Variants in SLC22A23 observed in about 807,000 individuals in gnomAD.
SLC22A23 encodes ion transporter protein.
In SLC22A23, 26 loss-of-function variants were observed where a neutral mutation model predicts 61.0. The ratio of observed to expected loss-of-function variants is 0.43; its 90% CI spans 0.31 to 0.59. SLC22A23 has a LOEUF of 0.59. SLC22A23 is among the 20% of genes least tolerant of loss of function. The pLI is 0.11. For synonymous variants in SLC22A23, 430 were observed against 413.9 expected (o/e 1.04, Z -0.47); for missense variants, 796 against 934.7 (o/e 0.85, Z 1.94).
intron 4 of SLC22A23, among the ~76,000 whole-genome samples, chr6:3,315,250 C>T (rs1203635255): frequency 1.3e-5 from 2 of 152,084 alleles, no homozygotes; most frequent in African/African-American, 4.8e-5. Context: ...CAGCAAGATG[C>T]CCCATCTGTG....
At chr6:3,441,077 C>T (rs554128695) in intron 1 of SLC22A23, among the ~76,000 whole-genome samples, 6 of 152,306 alleles carry the variant, frequency 3.9e-5, no homozygotes, top group African/African-American at 1.2e-4. Flanking sequence ...AGAGAAGGTG[C>T]TTGGCAGGAG....
At chr6:3,448,856 G>A (rs1045737810) in intron 1 of SLC22A23, among the ~76,000 whole-genome samples, 12 of 152,352 alleles carry the variant, frequency 7.9e-5, no homozygotes, top group Admixed American at 7.8e-4. Context: ...AAAGGCCAAA[G>A]TAAAGGCACC....
intron 4 of SLC22A23, among the ~76,000 whole-genome samples, chr6:3,319,787 G>A (rs890717154): frequency 5.3e-5 from 8 of 152,182 alleles, no homozygotes; most frequent in Admixed American, 5.2e-4. Context: ...CTCTGTGGGA[G>A]GCCGTGTTTT....
chr6:3,409,623 A>G (rs925252009), intron 3 of SLC22A23, among the ~76,000 whole-genome samples: 1 of 152,216 alleles, frequency 6.6e-6, no homozygotes. Context: ...ACCACCTACA[A>G]ATAAGTGAAA....
chr6:3,347,292 C>T (rs567823802), intron 3 of SLC22A23, among the ~76,000 whole-genome samples: 16 of 152,254 alleles, frequency 1.1e-4, no homozygotes, highest in South Asian at 2.1e-4. Flanking sequence ...TGGACCCTAG[C>T]GTTCTTGTGG....
intron 3 of SLC22A23, among the ~76,000 whole-genome samples, chr6:3,336,612 AC>A (rs1454078409): frequency 6.6e-6 from 1 of 152,152 alleles, no homozygotes; most frequent in Non-Finnish European, 1.5e-5. Flanking sequence ...GAAAAGGAAA[AC>A]CACTCTGTCA....
chr6:3,386,601 C>A lies in SLC22A23; in HGVS notation c.913+23587G>T, dbSNP rs770617632. Among the ~76,000 whole-genome samples the A allele has an allele frequency of 5.3e-5, 8 of 152,352 alleles. No homozygotes were observed. Among genetic ancestry groups the A allele is most frequent in the Middle Eastern group, 3.4e-3 (1 of 294 alleles). ...GGCTGCTTGCTCCTCAGTAGCCGTG[C>A]CAAGCGTGGCTGGGGACAGCCCGAG... On this transcript the variant is annotated intron_variant, in intron 3 of 9. Coordinates refer to ENST00000406686, the MANE Select transcript of SLC22A23 (RefSeq NM_015482.2). The surrounding 1 kb of genome is among the most constrained non-coding windows in gnomAD (Gnocchi z 4.4).
chr6:3,325,343 C>T (rs1763216751), intron 3 of SLC22A23, among the ~76,000 whole-genome samples: 1 of 152,088 alleles, frequency 6.6e-6, no homozygotes, highest in African/African-American at 2.4e-5. Flanking sequence ...ATTACCAGCC[C>T]TAACAAGGAG....
intron 1 of SLC22A23, among the ~76,000 whole-genome samples, chr6:3,453,766 C>G (rs1018669287): frequency 6.6e-6 from 1 of 152,236 alleles, no homozygotes; most frequent in Admixed American, 6.5e-5. Flanking sequence ...CAAAAGGCAG[C>G]TTCTCAAACC....
intron 8 of SLC22A23, 155 bp downstream of exon 8, chr6:3,284,924 A>G (rs753800138): frequency 4.5e-6 from 7 of 1,542,112 alleles, no homozygotes; most frequent in Non-Finnish European, 5.2e-6. Flanking sequence ...ATGTATCCGT[A>G]TAGTGTCCAA....
intron 1 of SLC22A23, among the ~76,000 whole-genome samples, chr6:3,416,784 G>A (rs1226420289): frequency 1.3e-5 from 2 of 152,202 alleles, no homozygotes; most frequent in Admixed American, 6.5e-5. Context: ...GTCTGGACGC[G>A]CAACTCCAGG....
At chr6:3,301,109 T>A (rs1160620888) in intron 4 of SLC22A23, among the ~76,000 whole-genome samples, 3 of 152,218 alleles carry the variant, frequency 2.0e-5, no homozygotes, top group Non-Finnish European at 2.9e-5. Flanking sequence ...ATTATATATA[T>A]TCACATTTTG....
At chr6:3,336,900 G>C (rs965025711) in intron 3 of SLC22A23, among the ~76,000 whole-genome samples, 3 of 150,498 alleles carry the variant, frequency 2.0e-5, no homozygotes, top group Non-Finnish European at 4.4e-5. Flanking sequence ...GGGCTCCAGT[G>C]GTCCTCCCAC....
At position 3,414,410 on chromosome 6, in the gene SLC22A23, G is replaced by A. The variant is rs1202790523; in HGVS notation, c.758+1342C>T. Among the ~76,000 whole-genome samples, 4 of 152,110 alleles carry A rather than the reference G, an allele frequency of 2.6e-5. No individual in the cohort carries two copies. Among genetic ancestry groups the A allele is most frequent in the Non-Finnish European group, 5.9e-5 (4 of 68,020 alleles). ...AGGTCCCCTGCGTAGGTCTCCAGAG[G>A]TCACTGACTGCTTCTCTGTTGCTGT... On this transcript the variant is annotated intron_variant, in intron 2 of 9. Transcript: ENST00000406686. This position sits in a 1 kb window ranked among gnomAD's most constrained non-coding sequence, Gnocchi z 5.1.
At chr6:3,382,206 C>T (rs1326475030) in intron 3 of SLC22A23, among the ~76,000 whole-genome samples, 1 of 152,184 alleles carries the variant, frequency 6.6e-6, no homozygotes, top group Non-Finnish European at 1.5e-5. Context: ...GTATGCACAG[C>T]CAGCCAGGCT....
chr6:3,285,267 G>A (rs1759881308), intron 7 of SLC22A23, among the ~76,000 whole-genome samples, 156 bp from the exon 8 acceptor site: 1 of 152,252 alleles, frequency 6.6e-6, no homozygotes, highest in African/African-American at 2.4e-5. Flanking sequence ...CTGGCCGCCG[G>A]GGCAGTGGAA....
chr6:3,320,482 T>A (rs1272927095), intron 4 of SLC22A23, among the ~76,000 whole-genome samples: 1 of 152,184 alleles, frequency 6.6e-6, no homozygotes, highest in Non-Finnish European at 1.5e-5. Flanking sequence ...AAGCACCAAG[T>A]ACGCTGCTGG....
intron 1 of SLC22A23, among the ~76,000 whole-genome samples, chr6:3,428,476 T>C (rs1025395297): frequency 6.6e-6 from 1 of 152,178 alleles, no homozygotes; most frequent in Non-Finnish European, 1.5e-5. Context: ...TCGGGCTTCA[T>C]GGGCTTGGCT....
chr6:3,281,528 C>G (rs1759473868), intron 9 of SLC22A23, among the ~76,000 whole-genome samples: 1 of 152,188 alleles, frequency 6.6e-6, no homozygotes, highest in Non-Finnish European at 1.5e-5. Context: ...TGGCCCCTTA[C>G]CCTTTGCTGC....
Sources: gnomAD v4.1 joint callset for allele counts (sites outside exome capture counted in the v4.1 genomes callset) on GRCh38, gnomAD v4.1.1 for gene constraint, Gnocchi (gnomAD v3.1) non-coding constraint, MANE v1.5 for transcripts, NCBI Gene and HGNC (gene_info 2026-07-23, HGNC 2026-07-21) for gene names.